TMEM132D: variants seen among roughly 807,000 people sequenced by gnomAD.
TMEM132D encodes the protein mature OL transmembrane protein.
TMEM132D carries 21 observed loss-of-function variants against 62.3 expected under a neutral mutation model. The ratio of observed to expected loss-of-function variants is 0.34; its 90% CI spans 0.24 to 0.49. The LOEUF is 0.49. TMEM132D is among the 20% of genes least tolerant of loss of function. The pLI, the probability that TMEM132D is intolerant of heterozygous loss-of-function variation, is 0.99. For missense variants in TMEM132D, 1,346 were observed against 1,402.8 expected, an observed-to-expected ratio of 0.96 and a Z score of 0.65; for synonymous variants, 621 against 575.6, an observed-to-expected ratio of 1.08 and a Z score of -1.13.
At chr12:129,758,009 T>A (rs1424725044) in intron 1 of TMEM132D, among the ~76,000 whole-genome samples, 1 of 152,188 alleles carries the variant, frequency 6.6e-6, no homozygotes, top group Admixed American at 6.5e-5. Flanking sequence ...TTCAAGTGAT[T>A]CTTCTGCCTC....
At chr12:129,162,405 C>A (rs975597498) in intron 5 of TMEM132D, among the ~76,000 whole-genome samples, 1 of 152,182 alleles carries the variant, frequency 6.6e-6, no homozygotes, top group African/African-American at 2.4e-5. Context: ...TTAAGCCACC[C>A]AGTCTATGGT....
chr12:129,334,558 C>A (rs146950677), intron 4 of TMEM132D, among the ~76,000 whole-genome samples: 1 of 152,130 alleles, frequency 6.6e-6, no homozygotes, highest in African/African-American at 2.4e-5. Context: ...CCACTTAGTT[C>A]GAAAGGAAGC....
chr12:129,513,322 C>T (rs1442109087), intron 3 of TMEM132D, among the ~76,000 whole-genome samples: 1 of 152,148 alleles, frequency 6.6e-6, no homozygotes, highest in African/African-American at 2.4e-5. Context: ...GAGCTTACTA[C>T]CATGAGCACA....
chr12:129,275,797 G>A (rs372689294), intron 4 of TMEM132D, among the ~76,000 whole-genome samples: 9 of 152,284 alleles, frequency 5.9e-5, no homozygotes, highest in African/African-American at 1.9e-4. Flanking sequence ...AATAAAGAAC[G>A]AGAGCAGGTC....
intron 3 of TMEM132D, among the ~76,000 whole-genome samples, chr12:129,381,688 C>CT (rs1431703962): frequency 7.7e-6 from 1 of 129,484 alleles, no homozygotes; most frequent in Non-Finnish European, 1.7e-5. Context: ...TTTTTCTTTT[C>CT]TTTTTCCTTT....
At chr12:129,165,125 C>A (rs1052152471) in intron 5 of TMEM132D, among the ~76,000 whole-genome samples, 2 of 152,114 alleles carry the variant, frequency 1.3e-5, no homozygotes, top group South Asian at 4.1e-4. Context: ...CCATATGCAC[C>A]GAATGATCTG....
intron 1 of TMEM132D, among the ~76,000 whole-genome samples, chr12:129,863,119 C>T (rs1391571268): frequency 6.6e-6 from 1 of 152,178 alleles, no homozygotes; most frequent in Non-Finnish European, 1.5e-5. Context: ...CAAATGTGGG[C>T]TGTGTCACAT....
rs527850800 is a variant in TMEM132D, at chr12:129,458,912, G to C, written c.1115+72147C>G. On this transcript the variant is annotated intron_variant, in intron 3 of 8. Transcript: ENST00000422113. ...GATGTCAGAGCTGGAAGGCATCTCA[G>C]AAACCTCAGTCTCCACTCTCTCCAT... Among the ~76,000 whole-genome samples the C allele has an allele frequency of 7.9e-5, 12 of 152,282 alleles. No homozygotes were observed. In the South Asian group the frequency reaches 2.3e-3, roughly 29 times the overall value.
At chr12:129,207,546 G>A (rs1427759361) in intron 5 of TMEM132D, among the ~76,000 whole-genome samples, 1 of 152,172 alleles carries the variant, frequency 6.6e-6, no homozygotes, top group South Asian at 2.1e-4. Flanking sequence ...AGCCGTACAG[G>A]CATCCAGGGA....
chr12:129,403,945 C>T (rs1005225893), intron 3 of TMEM132D, among the ~76,000 whole-genome samples: 7 of 151,752 alleles, frequency 4.6e-5, no homozygotes, highest in African/African-American at 1.7e-4. Context: ...ATGTGCTTTG[C>T]GTGTTGGAGG....
intron 5 of TMEM132D, among the ~76,000 whole-genome samples, chr12:129,091,388 G>A (rs1164079320): frequency 6.7e-6 from 1 of 149,916 alleles, no homozygotes; most frequent in African/African-American, 2.5e-5. Flanking sequence ...ATGGTCTCTG[G>A]GGACCTTATA....
chr12:129,414,321 C>T (rs1422717680), intron 3 of TMEM132D, among the ~76,000 whole-genome samples: 2 of 152,108 alleles, frequency 1.3e-5, no homozygotes, highest in African/African-American at 4.8e-5. Flanking sequence ...AATAACTATA[C>T]GGTGGACAAA....
At chr12:129,885,439 T>C (rs138196988) in intron 1 of TMEM132D, among the ~76,000 whole-genome samples, 1,527 of 152,312 alleles carry the variant, frequency 0.01, 21 homozygotes, top group African/African-American at 0.035. Context: ...TCAGAATCAC[T>C]TTGGGAGCTT....
chr12:129,226,935 C>T (rs954902899), intron 4 of TMEM132D, among the ~76,000 whole-genome samples: 2 of 152,176 alleles, frequency 1.3e-5, no homozygotes, highest in Non-Finnish European at 2.9e-5. Context: ...AAGAAATCTC[C>T]TGTATCACAA....
chr12:129,617,150 G>C (rs1157531630), intron 2 of TMEM132D, among the ~76,000 whole-genome samples: 4 of 152,180 alleles, frequency 2.6e-5, no homozygotes. Flanking sequence ...AATCCCATGG[G>C]TGTGAGTGAA....
intron 2 of TMEM132D, among the ~76,000 whole-genome samples, chr12:129,588,235 A>G (rs966042843): frequency 1.3e-5 from 2 of 152,230 alleles, no homozygotes; most frequent in African/African-American, 2.4e-5. Flanking sequence ...CTAAAGCAGC[A>G]CATCTACAGA....
At chr12:129,398,557 A>G (rs6486463) in intron 3 of TMEM132D, among the ~76,000 whole-genome samples, 11,813 of 152,260 alleles carry the variant, frequency 0.078, 1,082 homozygotes, top group African/African-American at 0.23. Context: ...GGGTTGGCCC[A>G]AATAATGTGG....
chr12:129,306,833 T>C (rs1339288926), intron 4 of TMEM132D, among the ~76,000 whole-genome samples: 1 of 152,074 alleles, frequency 6.6e-6, no homozygotes, highest in East Asian at 1.9e-4. Context: ...TAGACAACAA[T>C]GAGAACTCCA....
At position 129,531,108 on chromosome 12, in the gene TMEM132D, C is replaced by A; in HGVS notation, c.1066G>T (p.Ala356Ser). 1 of 1,613,960 alleles carries A rather than the reference C, an allele frequency of 6.2e-7. No individual in the cohort carries two copies. Among genetic ancestry groups the A allele is most frequent in the Non-Finnish European group, 8.5e-7 (1 of 1,179,908 alleles). The change falls in exon 3 of 9, where the codon GCA becomes TCA. Residue 356 changes from alanine (A) to serine (S), a missense_variant. Coordinates refer to ENST00000422113, the MANE Select transcript of TMEM132D (RefSeq NM_133448.3). ...KERTDYTGKY[A>S]PAVIVCQKKA... ...TTCTGACAAACGATGACAGCTGGTG[C>A]ATACTTTCCAGTATAATCCGTGCGC... is the stretch of plus-strand genomic sequence containing the variant.
Sources: gnomAD v4.1 joint callset for allele counts (sites outside exome capture counted in the v4.1 genomes callset) on GRCh38, gnomAD v4.1.1 for gene constraint, MANE v1.5 for transcripts, NCBI Gene and HGNC (gene_info 2026-07-23, HGNC 2026-07-21) for gene names.